HIBADH: variants seen among roughly 807,000 people sequenced by gnomAD.
The protein encoded by HIBADH is 3-hydroxyisobutyrate dehydrogenase, mitochondrial.
HIBADH carries 25 observed loss-of-function variants against 36.1 expected under a neutral mutation model. The ratio of observed to expected loss-of-function variants is 0.69; its 90% CI spans 0.50 to 0.97. The LOEUF (loss-of-function observed/expected upper bound fraction) is 0.97, where lower values mean the gene tolerates loss of function less well. Among genes scored for constraint, HIBADH ranks in the 50% least tolerant of loss-of-function variants. HIBADH has a pLI of 0.00. For missense variants in HIBADH, 421 were observed against 418.0 expected (o/e 1.01, Z -0.06); for synonymous variants, 160 against 149.5 (o/e 1.07, Z -0.51).
chr7:27,566,374 CA>C (rs374594799), intron 4 of HIBADH, among the ~76,000 whole-genome samples: 145 of 147,094 alleles, frequency 9.9e-4, no homozygotes, highest in African/African-American at 2.8e-3. Flanking sequence ...TTGTGGCTCT[CA>C]AAAAAAAAAT....
intron 4 of HIBADH, among the ~76,000 whole-genome samples, chr7:27,592,956 G>A (rs530996826): frequency 2.6e-4 from 39 of 152,248 alleles, no homozygotes; most frequent in Admixed American, 1.9e-3. Flanking sequence ...TGCTCAGCAT[G>A]CTCTTCCTCT....
chr7:27,549,323 G>A (rs954579571), intron 4 of HIBADH, among the ~76,000 whole-genome samples: 6 of 152,012 alleles, frequency 3.9e-5, no homozygotes, highest in Admixed American at 1.3e-4. Flanking sequence ...TAATTAGTTC[G>A]GTTTAGCCAT....
intron 4 of HIBADH, among the ~76,000 whole-genome samples, chr7:27,543,378 G>A (rs1177268152): frequency 6.6e-6 from 1 of 151,998 alleles, no homozygotes; most frequent in Non-Finnish European, 1.5e-5. Context: ...ACAGATAAGG[G>A]AACTTAAAAT....
intron 4 of HIBADH, among the ~76,000 whole-genome samples, chr7:27,558,125 T>C (rs1583568448): frequency 6.6e-6 from 1 of 152,314 alleles, no homozygotes; most frequent in Non-Finnish European, 1.5e-5. Flanking sequence ...TTGATGCTTA[T>C]GGTTTCTATT....
intron 7 of HIBADH, among the ~76,000 whole-genome samples, chr7:27,527,918 G>GTTTTTTTTTTTTTTT (rs746260280): frequency 1.6e-5 from 1 of 61,700 alleles, no homozygotes; most frequent in Non-Finnish European, 3.0e-5. Context: ...CACACCCAGC[G>GTTTTTTTTTTTTTTT]TTTTTTTTTT....
intron 4 of HIBADH, among the ~76,000 whole-genome samples, chr7:27,606,617 A>G (rs982182955): frequency 6.6e-6 from 1 of 152,196 alleles, no homozygotes; most frequent in African/African-American, 2.4e-5. Context: ...TATTGCCTCC[A>G]GTTTTATTCT....
intron 1 of HIBADH, among the ~76,000 whole-genome samples, chr7:27,658,313 A>C (rs1160244025): frequency 6.6e-6 from 1 of 152,228 alleles, no homozygotes; most frequent in African/African-American, 2.4e-5. Flanking sequence ...GGAGAAAATC[A>C]ATCAACCAAA....
At chr7:27,581,810 T>TA (rs1040132882) in intron 4 of HIBADH, among the ~76,000 whole-genome samples, 2 of 151,280 alleles carry the variant, frequency 1.3e-5, no homozygotes, top group African/African-American at 4.8e-5. Flanking sequence ...ATTCTCATTT[T>TA]AAAAAAATGA....
intron 7 of HIBADH, among the ~76,000 whole-genome samples, chr7:27,528,470 A>G (rs1165784378): frequency 6.6e-6 from 1 of 152,234 alleles, no homozygotes; most frequent in Admixed American, 6.5e-5. Flanking sequence ...CACATGAATG[A>G]TAAGTGAAAC....
intron 4 of HIBADH, among the ~76,000 whole-genome samples, chr7:27,616,807 AAAAT>A (rs1227599996): frequency 3.3e-5 from 5 of 151,832 alleles, no homozygotes; most frequent in Non-Finnish European, 5.9e-5. Flanking sequence ...TAAAAAAAAA[AAAAT>A]TTTTAATTAA....
intron 4 of HIBADH, among the ~76,000 whole-genome samples, chr7:27,621,023 A>G (rs1785532602): frequency 6.6e-6 from 1 of 152,192 alleles, no homozygotes; most frequent in Non-Finnish European, 1.5e-5. Flanking sequence ...GCTAAAGTAA[A>G]AGAATGGAAA....
At chr7:27,570,108 C>T (rs1477379412) in intron 4 of HIBADH, among the ~76,000 whole-genome samples, 1 of 152,206 alleles carries the variant, frequency 6.6e-6, no homozygotes, top group Non-Finnish European at 1.5e-5. Context: ...ATCCAGGAAA[C>T]TCATTGCCAG....
chr7:27,606,217 C>T (rs2128291091), intron 4 of HIBADH, among the ~76,000 whole-genome samples: 1 of 152,178 alleles, frequency 6.6e-6, no homozygotes, highest in East Asian at 1.9e-4. Flanking sequence ...TAAAATTACA[C>T]TGTATAATTA....
At chr7:27,540,754 G>T (rs553797297) in intron 5 of HIBADH, among the ~76,000 whole-genome samples, 170 of 152,274 alleles carry the variant, frequency 1.1e-3, no homozygotes, top group African/African-American at 3.7e-3. Flanking sequence ...TTAGGGGCAA[G>T]TTGGCCCCTT....
At chr7:27,651,649 C>T (rs1252910076) in intron 1 of HIBADH, among the ~76,000 whole-genome samples, 3 of 152,176 alleles carry the variant, frequency 2.0e-5, no homozygotes, top group Non-Finnish European at 2.9e-5. Context: ...GCAATTCACT[C>T]TAGGTCAAAC....
At chr7:27,614,753 T>C (rs1302585057) in intron 4 of HIBADH, among the ~76,000 whole-genome samples, 2 of 152,238 alleles carry the variant, frequency 1.3e-5, no homozygotes, top group African/African-American at 4.8e-5. Context: ...ATGTTAAAGA[T>C]ATGTCAAGGT....
At position 27,629,454 on chromosome 7, in the gene HIBADH, G is replaced by T; in HGVS notation, c.401C>A (p.Thr134Asn). The T allele has an allele frequency of 6.2e-7, 1 of 1,605,958 alleles. No homozygotes were observed. ...TTCTTTTGAAACTGCAGGATCAATA[G>T]TGCTGGAATCTATTAATAATGAGCC... ...KKGSLLIDSS[T>N]IDPAVSKELA... The change falls in exon 4 of 8, where the codon ACT (threonine) becomes AAT (asparagine). Residue 134 changes from threonine to asparagine, a missense_variant. Coordinates refer to ENST00000265395, the MANE Select transcript of HIBADH (RefSeq NM_152740.4).
intron 4 of HIBADH, among the ~76,000 whole-genome samples, chr7:27,571,459 A>G (rs965285457): frequency 1.3e-5 from 2 of 152,188 alleles, no homozygotes; most frequent in South Asian, 4.1e-4. Context: ...TCCTGACCTC[A>G]GGTGATCCAC....
intron 4 of HIBADH, among the ~76,000 whole-genome samples, chr7:27,595,586 G>A (rs1205623428): frequency 1.7e-5 from 2 of 119,862 alleles, no homozygotes. Context: ...GCAGGTGTGT[G>A]TGTGTGTGTG....
Sources: allele counts gnomAD v4.1 joint callset (sites outside exome capture counted in the v4.1 genomes callset), GRCh38; gene constraint gnomAD v4.1.1; transcripts MANE v1.5; gene names NCBI Gene and HGNC (gene_info 2026-07-23, HGNC 2026-07-21).